Variants in GTF2H1 observed in about 807,000 individuals in gnomAD.
The protein encoded by GTF2H1 is BTF2 p62.
Under a neutral mutation model 71.2 loss-of-function variants are expected in GTF2H1, and 16 were observed. The observed-to-expected ratio is 0.22, with a 90% CI of 0.15 to 0.34. The LOEUF is 0.34. Ranked by LOEUF, GTF2H1 falls within the 10% of genes least tolerant of loss-of-function variation. The pLI is 1.00. For missense variants in GTF2H1, 498 were observed against 648.2 expected (o/e 0.77, Z 2.52); for synonymous variants, 215 against 219.0 (o/e 0.98, Z 0.16).
intron 9 of GTF2H1, 22 bp from the exon 10 acceptor site, chr11:18,351,854 TAAAAA>T: frequency 1.7e-6 from 2 of 1,166,460 alleles, no homozygotes; most frequent in Non-Finnish European, 2.6e-6. Context: ...TGTGACAAAA[TAAAAA>T]GTACTGTGTT....
chr11:18,360,482 T>C (rs1428749038), intron 13 of GTF2H1, 133 bp from the exon 14 acceptor site: 2 of 532,112 alleles, frequency 3.8e-6, no homozygotes, highest in Non-Finnish European at 6.5e-6. Context: ...ATATAATTGG[T>C]ATATTTTTAT....
At position 18,366,711 on chromosome 11, in the gene GTF2H1, AAAG is replaced by A. The variant is rs765263549; in HGVS notation, c.*847_*849del. 2.0e-5 allele frequency: 3 copies of A among 152,566 alleles called. No homozygotes were observed. Among genetic ancestry groups the A allele is most frequent in the Non-Finnish European group, 4.4e-5 (3 of 68,050 alleles). 9.5% of individuals were successfully genotyped at this position (152,566 alleles called of 1,614,324 possible). A position where few individuals can be genotyped will look rare whatever the true frequency, so the allele number is the denominator to read the frequency against. ...TTTTTTAAGATGGCATGTGCTTTGA[AAAG>A]AAGATATTGCATTTTTAAGAGTTTA... On this transcript the variant is annotated 3_prime_UTR_variant, in exon 15 of 15. Transcript: ENST00000265963.
chr11:18,353,942 A>G (rs373217867), intron 11 of GTF2H1, among the ~76,000 whole-genome samples: 66 of 152,312 alleles, frequency 4.3e-4, no homozygotes, highest in African/African-American at 1.5e-3. Flanking sequence ...ATCTTACTAC[A>G]TTTTCACCAG....
chr11:18,346,159 A>G (rs1865288838), intron 7 of GTF2H1, among the ~76,000 whole-genome samples: 1 of 152,160 alleles, frequency 6.6e-6, no homozygotes, highest in Admixed American at 6.5e-5. Context: ...TTATTAGTGT[A>G]TTGAACCATA....
chr11:18,340,686 C>T (rs988322969), intron 5 of GTF2H1, among the ~76,000 whole-genome samples: 12 of 152,130 alleles, frequency 7.9e-5, no homozygotes, highest in Admixed American at 6.6e-4. Flanking sequence ...TTAATCATCA[C>T]GTAAACCTAT....
In GTF2H1 at chr11:18,352,396, T is replaced by A. The variant is rs761637888; in HGVS notation, c.1210T>A (p.Phe404Ile). The A allele has an allele frequency of 1.9e-6, 3 of 1,583,256 alleles. No homozygotes were observed. Among genetic ancestry groups the A allele is most frequent in the African/African-American group, 2.7e-5 (2 of 74,472 alleles). The change falls in exon 11 of 15, where the codon TTT becomes ATT. Residue 404 changes from phenylalanine to isoleucine, a missense_variant. Physicochemically the swap from Phe to Ile is conservative, Grantham distance 21 (BLOSUM62 0). Coordinates refer to ENST00000265963, the MANE Select transcript of GTF2H1 (RefSeq NM_005316.4). The part of the protein sequence containing the change: ...YATSQDIINS[F>I]QSIRQEMEAY... ...AACAAGTCAGGACATTATTAATTCT[T>A]TTCAAAGTATTAGACAAGAAATGGA...
At chr11:18,345,912 T>C (rs1470869540) in intron 7 of GTF2H1, among the ~76,000 whole-genome samples, 4 of 151,402 alleles carry the variant, frequency 2.6e-5, no homozygotes, top group African/African-American at 7.3e-5. Context: ...TGCCTCAGCC[T>C]CCTGAGTAGC....
chr11:18,338,032 C>T (rs1423576845), intron 3 of GTF2H1, 77 bp from the exon 4 acceptor site: 15 of 978,444 alleles, frequency 1.5e-5, no homozygotes, highest in Non-Finnish European at 2.0e-5. Flanking sequence ...TTTGTGTTGC[C>T]AAAATCTTTT....
chr11:18,348,332 A>G (rs1056145747), intron 9 of GTF2H1: 1 of 263,806 alleles, frequency 3.8e-6, no homozygotes, highest in African/African-American at 2.2e-5. Flanking sequence ...TTCAGAGCTG[A>G]AAGTGTCTTC....
intron 11 of GTF2H1, among the ~76,000 whole-genome samples, chr11:18,357,392 T>G (rs1865581085): frequency 6.6e-6 from 1 of 152,142 alleles, no homozygotes; most frequent in Non-Finnish European, 1.5e-5. Flanking sequence ...CTCTTTATTT[T>G]TTTTTCCCCC....
chr11:18,352,586 A>G (rs1865451790), intron 11 of GTF2H1, 140 bp downstream of exon 11: 1 of 490,100 alleles, frequency 2.0e-6, no homozygotes, highest in South Asian at 4.0e-5. Flanking sequence ...GAAAAAATCA[A>G]GAGGTAGCAA....
At chr11:18,326,995 A>T (rs1413642536) in intron 1 of GTF2H1, among the ~76,000 whole-genome samples, 1 of 142,652 alleles carries the variant, frequency 7.0e-6, no homozygotes, top group Non-Finnish European at 1.5e-5. Flanking sequence ...CATCTCTACT[A>T]AAAAAAAAAT....
chr11:18,347,985 G>A (rs761219293), intron 9 of GTF2H1, 66 bp downstream of exon 9: 1 of 985,446 alleles, frequency 1.0e-6, no homozygotes, highest in South Asian at 1.3e-5. Flanking sequence ...GTGACTGCAA[G>A]TACTGTATAC....
At chr11:18,355,574 C>A (rs768657652) in intron 11 of GTF2H1, among the ~76,000 whole-genome samples, 1 of 152,010 alleles carries the variant, frequency 6.6e-6, no homozygotes, top group Non-Finnish European at 1.5e-5. Context: ...GGCACAATCT[C>A]GGCTCACTGC....
At chr11:18,364,269 T>G (rs1047033585) in intron 14 of GTF2H1, among the ~76,000 whole-genome samples, 1 of 152,138 alleles carries the variant, frequency 6.6e-6, no homozygotes, top group African/African-American at 2.4e-5. Context: ...TTTTTTTAAC[T>G]CTGTACCCCT....
chr11:18,363,800 C>T (rs549439255), intron 14 of GTF2H1, among the ~76,000 whole-genome samples: 4 of 151,860 alleles, frequency 2.6e-5, no homozygotes, highest in African/African-American at 4.8e-5. Context: ...GGGCCAGGCG[C>T]GGTGGCTTAC....
intron 3 of GTF2H1, 53 bp downstream of exon 3, chr11:18,335,999 C>T: frequency 7.4e-7 from 1 of 1,347,606 alleles, no homozygotes; most frequent in East Asian, 2.3e-5. Context: ...TCTATAGTCT[C>T]CTAGTATGCT....
At chr11:18,330,455 A>T (rs1424735430) in intron 1 of GTF2H1, among the ~76,000 whole-genome samples, 2 of 152,188 alleles carry the variant, frequency 1.3e-5, no homozygotes, top group Non-Finnish European at 2.9e-5. Context: ...ATTTTATAGG[A>T]TTGTACTTTT....
chr11:18,338,727 G>A (rs1229001413), intron 4 of GTF2H1, among the ~76,000 whole-genome samples: 1 of 152,158 alleles, frequency 6.6e-6, no homozygotes, highest in Non-Finnish European at 1.5e-5. Flanking sequence ...GGGATTACAA[G>A]TATGAGCTAT....
Sources: allele counts gnomAD v4.1 joint callset (sites outside exome capture counted in the v4.1 genomes callset), GRCh38; gene constraint gnomAD v4.1.1; transcripts MANE v1.5; gene names NCBI Gene and HGNC (gene_info 2026-07-23, HGNC 2026-07-21).